CEP135: variants seen among roughly 807,000 people sequenced by gnomAD.
CEP135 encodes the protein centrosomal protein of 135 kDa.
Under a neutral mutation model 157.3 loss-of-function variants are expected in CEP135, and 142 were observed. That is an observed-to-expected ratio of 0.90 (90% CI 0.79 to 1.04). The LOEUF is 1.04. Among genes scored for constraint, CEP135 ranks in the 50% least tolerant of loss-of-function variants. The pLI is 0.00. For missense variants in CEP135, 1,317 were observed against 1,309.2 expected (o/e 1.01, Z -0.09); for synonymous variants, 396 against 439.8 (o/e 0.90, Z 1.25).
intron 17 of CEP135, among the ~76,000 whole-genome samples, chr4:56,001,276 CTCTT>C (rs766937499): frequency 3.3e-5 from 5 of 152,122 alleles, no homozygotes; most frequent in Admixed American, 2.6e-4. Context: ...TCCCATTTGT[CTCTT>C]TCTACTTTTG....
intron 8 of CEP135, among the ~76,000 whole-genome samples, chr4:55,968,602 C>T (rs1728917769): frequency 6.6e-6 from 1 of 152,172 alleles, no homozygotes; most frequent in Non-Finnish European, 1.5e-5. Context: ...AACACAGCTT[C>T]CCATGTCCCA....
rs1731368589 is a variant in CEP135 at position 56,032,000 on chromosome 4, A to G, written c.*652A>G. 6.6e-6 allele frequency: 1 copy of G among 152,238 alleles called. No individual in the cohort carries two copies. Among genetic ancestry groups the G allele is most frequent in the African/African-American group, 2.4e-5 (1 of 41,452 alleles). 9.4% of individuals were successfully genotyped at this position (152,238 alleles called of 1,614,324 possible). On this transcript the variant is annotated 3_prime_UTR_variant, in exon 26 of 26. Coordinates refer to ENST00000257287, the MANE Select transcript of CEP135 (RefSeq NM_025009.5). ...TTATATATTATGTAAAATGTTAACT[A>G]TCATCATATGGACTCTATGTAACAC...
At chr4:55,959,866 A>G in intron 6 of CEP135, 100 bp downstream of exon 6, 1 of 927,712 alleles carries the variant, frequency 1.1e-6, no homozygotes, top group South Asian at 1.4e-5. Flanking sequence ...CTGAGTTTTT[A>G]TACAGCTTTC....
intron 13 of CEP135, among the ~76,000 whole-genome samples, chr4:55,982,794 C>A (rs1729457918): frequency 1.3e-5 from 2 of 151,714 alleles, no homozygotes; most frequent in African/African-American, 4.8e-5. Context: ...TTATTTTTTT[C>A]TTTAGTTGCT....
chr4:55,966,842 TG>T (rs1728859407), intron 8 of CEP135, among the ~76,000 whole-genome samples: 1 of 152,228 alleles, frequency 6.6e-6, no homozygotes, highest in African/African-American at 2.4e-5. Flanking sequence ...ATTTTTAAGT[TG>T]GTAATTATAA....
intron 4 of CEP135, among the ~76,000 whole-genome samples, chr4:55,955,982 G>T (rs1292183695): frequency 6.6e-6 from 1 of 152,128 alleles, no homozygotes; most frequent in East Asian, 1.9e-4. Flanking sequence ...TATGTAGACT[G>T]GGAAGAGAGG....
rs191318030 is a variant in CEP135, at chr4:55,992,023, T to C, written c.1947T>C (p.Ala649=). 3.1e-6 allele frequency: 5 copies of C among 1,610,824 alleles called. No homozygotes were observed. The African/African-American group carries it at 5.3e-5, about 17-fold the overall frequency. Reference sequence around the variant, plus strand: ...TAGAGAACAAATTAAAAGTCCAAGCTCAAAAATTTAGCCATGTGGCTGGTG... The same window carrying C: ...TAGAGAACAAATTAAAAGTCCAAGCCCAAAAATTTAGCCATGTGGCTGGTG... ...ESLENKLKVQ[A]QKFSHVAGDS... Residue 649 remains alanine (A), a synonymous_variant, in exon 15 of 26, where the codon GCT becomes GCC. Transcript: ENST00000257287.
intron 6 of CEP135, among the ~76,000 whole-genome samples, chr4:55,962,389 T>C (rs1728710074): frequency 6.6e-6 from 1 of 152,108 alleles, no homozygotes; most frequent in Non-Finnish European, 1.5e-5. Context: ...CGTGAGCCAC[T>C]ATGCCCGGCC....
intron 25 of CEP135, among the ~76,000 whole-genome samples, chr4:56,025,975 G>T (rs1267666747): frequency 6.6e-6 from 1 of 151,714 alleles, no homozygotes; most frequent in Non-Finnish European, 1.5e-5. Context: ...TTGGGAGGCC[G>T]AGGCGGGTGG....
chr4:55,970,533 A>G (rs1231537421), intron 9 of CEP135, among the ~76,000 whole-genome samples: 1 of 152,208 alleles, frequency 6.6e-6, no homozygotes, highest in African/African-American at 2.4e-5. Context: ...TTAAAAAGGA[A>G]GCATGAGAGC....
intron 10 of CEP135, among the ~76,000 whole-genome samples, chr4:55,973,641 C>T (rs1051615846): frequency 2.6e-5 from 4 of 152,100 alleles, no homozygotes; most frequent in African/African-American, 7.2e-5. Flanking sequence ...TGTTTTTTCC[C>T]GTTGGCATTC....
rs576062542 is a variant in CEP135, at chr4:56,032,673, G to T, written c.*1325G>T. ...TTAAAGAATTTGGGTGTATACCTAT[G>T]TTAATGAAACAACAGAAGTACAAAA... On this transcript the variant is annotated 3_prime_UTR_variant, in exon 26 of 26. Transcript: ENST00000257287. 1 of 152,178 alleles carries T rather than the reference G, an allele frequency of 6.6e-6. No homozygotes were observed. Among genetic ancestry groups the T allele is most frequent in the African/African-American group, 2.4e-5 (1 of 41,516 alleles). 9.4% of individuals were successfully genotyped at this position (152,178 alleles called of 1,614,324 possible).
chr4:55,977,158 G>T (rs552845509), intron 11 of CEP135, among the ~76,000 whole-genome samples: 2 of 152,220 alleles, frequency 1.3e-5, no homozygotes, highest in African/African-American at 4.8e-5. Flanking sequence ...AGGAGCACTT[G>T]TTGGTAAACC....
intron 14 of CEP135, among the ~76,000 whole-genome samples, chr4:55,990,120 T>C (rs548581227): frequency 6.6e-6 from 1 of 152,330 alleles, no homozygotes; most frequent in East Asian, 1.9e-4. Context: ...TTTGGTTTGC[T>C]TTGCTTTTTG....
intron 25 of CEP135, among the ~76,000 whole-genome samples, chr4:56,026,588 T>G (rs1434579399): frequency 6.6e-6 from 1 of 152,232 alleles, no homozygotes; most frequent in Non-Finnish European, 1.5e-5. Flanking sequence ...CCTCCTTCTG[T>G]TCATAAGCAC....
intron 19 of CEP135, among the ~76,000 whole-genome samples, chr4:56,010,465 G>A (rs1730543728): frequency 6.6e-6 from 1 of 151,976 alleles, no homozygotes; most frequent in African/African-American, 2.4e-5. Context: ...GGGTGCAACT[G>A]GTCTTCTCAC....
Position 56,031,893 on chromosome 4 carries a change from T to C in CEP135, c.*545T>C, listed in dbSNP as rs1731364093. 6.6e-6 allele frequency: 1 copy of C among 152,210 alleles called. No individual in the cohort carries two copies. The highest frequency in any genetic ancestry group is 2.4e-5 in the African/African-American group (1 of 41,460). 9.4% of individuals were successfully genotyped at this position (152,210 alleles called of 1,614,324 possible). ...AATATATTCAGGTCTAGTCTTCTTA[T>C]AATAGCAGAGGTCTTGGTAAAATAA... On this transcript the variant is annotated 3_prime_UTR_variant, in exon 26 of 26. Transcript: ENST00000257287.
In CEP135 at chr4:55,990,435, T is replaced by C. The variant is rs184349581; in HGVS notation, c.1858-1499T>C. On this transcript the variant is annotated intron_variant, in intron 14 of 25. Coordinates refer to ENST00000257287, the MANE Select transcript of CEP135 (RefSeq NM_025009.5). ...TTTTCCCATCTAGAATTTATTTTTG[T>C]ATGTAAAATAAAGAAGAAATCCAGC... 4.6e-5 allele frequency among the ~76,000 whole-genome samples: 7 copies of C among 152,336 alleles called. No homozygotes were observed. The East Asian group carries it at 1.4e-3, about 29-fold the overall frequency.
At chr4:55,970,351 A>G (rs1001669633) in intron 9 of CEP135, among the ~76,000 whole-genome samples, 4 of 152,144 alleles carry the variant, frequency 2.6e-5, no homozygotes, top group African/African-American at 9.7e-5. Context: ...CTTGCTTATA[A>G]GGTAGAAACT....
Sources: gnomAD v4.1 joint callset for allele counts (sites outside exome capture counted in the v4.1 genomes callset) on GRCh38, gnomAD v4.1.1 for gene constraint, MANE v1.5 for transcripts, NCBI Gene and HGNC (gene_info 2026-07-23, HGNC 2026-07-21) for gene names.